Variants in OPCML observed in about 807,000 individuals in gnomAD.
The protein encoded by OPCML is opioid-binding protein/cell adhesion molecule.
OPCML carries 13 observed loss-of-function variants against 37.8 expected under a neutral mutation model. The observed-to-expected ratio is 0.34, with a 90% CI of 0.22 to 0.55. The LOEUF is 0.55. OPCML is among the 20% of genes least tolerant of loss of function. The pLI, the probability that OPCML is intolerant of heterozygous loss-of-function variation, is 0.91. For synonymous variants in OPCML, 176 were observed against 168.8 expected (o/e 1.04, Z -0.33); for missense variants, 341 against 435.6 (o/e 0.78, Z 1.93).
intron 3 of OPCML, among the ~76,000 whole-genome samples, chr11:132,554,483 C>G (rs2096389789): frequency 6.6e-6 from 1 of 152,206 alleles, no homozygotes; most frequent in Non-Finnish European, 1.5e-5. Flanking sequence ...TGCTGAGCAT[C>G]AGGGACACAC....
chr11:132,695,217 C>A (rs896683378), intron 2 of OPCML, among the ~76,000 whole-genome samples: 35 of 152,280 alleles, frequency 2.3e-4, no homozygotes, highest in African/African-American at 8.2e-4. Context: ...ATTGGAAGCA[C>A]GGCCCCTTAG....
chr11:132,650,681 C>T (rs993914987), intron 3 of OPCML, among the ~76,000 whole-genome samples: 10 of 152,154 alleles, frequency 6.6e-5, no homozygotes, highest in Non-Finnish European at 1.2e-4. Context: ...TTCTACTCTT[C>T]ACCCCATGTT....
At chr11:132,761,097 C>T (rs1385388851) in intron 2 of OPCML, among the ~76,000 whole-genome samples, 2 of 152,066 alleles carry the variant, frequency 1.3e-5, no homozygotes, top group East Asian at 3.9e-4. Context: ...GTTGAAAATT[C>T]TTTTCTTTAA....
chr11:132,791,770 T>G (rs1007232304), intron 2 of OPCML, among the ~76,000 whole-genome samples: 2 of 152,162 alleles, frequency 1.3e-5, no homozygotes, highest in African/African-American at 4.8e-5. Context: ...ATATCTCAAA[T>G]AAAGCTTGCC....
intron 1 of OPCML, among the ~76,000 whole-genome samples, chr11:133,263,867 C>A (rs1941567362): frequency 6.6e-6 from 1 of 152,182 alleles, no homozygotes; most frequent in Admixed American, 6.5e-5. Context: ...TTGCTACTTT[C>A]CAAGCTAAAC....
At chr11:133,155,140 G>A (rs1950039063) in intron 1 of OPCML, among the ~76,000 whole-genome samples, 1 of 152,122 alleles carries the variant, frequency 6.6e-6, no homozygotes, top group Admixed American at 6.5e-5. Flanking sequence ...ACTTGCTAGT[G>A]AAAACCAACA....
Position 133,181,927 on chromosome 11 carries a change from C to T in OPCML, c.62-238917G>A, listed in dbSNP as rs920660424. On this transcript the variant is annotated intron_variant, in intron 1 of 7. Transcript: ENST00000524381. Reference sequence around the variant, plus strand: ...AAGCCTCCTCCAACATCTGCCTGCACGGTGCAGCTTCTCTTCCAATCTGCC... The same window carrying T: ...AAGCCTCCTCCAACATCTGCCTGCATGGTGCAGCTTCTCTTCCAATCTGCC... Among the ~76,000 whole-genome samples, 14 of 152,298 alleles carry T rather than the reference C, an allele frequency of 9.2e-5. 1 individual carries two copies. The highest frequency in any genetic ancestry group is 7.8e-4 in the Admixed American group (12 of 15,302).
At chr11:133,502,932 T>C (rs554850854) in intron 1 of OPCML, among the ~76,000 whole-genome samples, 2 of 152,254 alleles carry the variant, frequency 1.3e-5, no homozygotes, top group South Asian at 2.1e-4. Context: ...GATACAGGGC[T>C]TTCAGTTTTA....
chr11:132,980,709 C>A (rs1946562410), intron 1 of OPCML, among the ~76,000 whole-genome samples: 1 of 152,154 alleles, frequency 6.6e-6, no homozygotes, highest in Non-Finnish European at 1.5e-5. Context: ...CTGCTCAGTT[C>A]ATAGACAAGA....
chr11:132,928,451 T>C (rs750901691), intron 2 of OPCML, among the ~76,000 whole-genome samples: 1 of 151,954 alleles, frequency 6.6e-6, no homozygotes, highest in South Asian at 2.1e-4. Flanking sequence ...ATATACTAAA[T>C]AGCAGAACAT....
At chr11:133,489,481 GC>G (rs952428446) in intron 1 of OPCML, among the ~76,000 whole-genome samples, 3 of 152,240 alleles carry the variant, frequency 2.0e-5, no homozygotes, top group Non-Finnish European at 2.9e-5. Context: ...TATTAAAAGT[GC>G]TGAACATCAC....
Position 132,596,352 on chromosome 11 carries a change from T to A in OPCML, c.379+60735A>T, listed in dbSNP as rs80012845. 2.2e-4 allele frequency among the ~76,000 whole-genome samples: 33 copies of A among 152,328 alleles called. 1 individual carries two copies. Among genetic ancestry groups the A allele is most frequent in the African/African-American group, 7.7e-4 (32 of 41,570 alleles). The stretch of plus-strand genomic sequence containing the variant: ...TTTATTTCTATGTGTCTCCCTCCTT[T>A]CTTCTTTTTCTTTTTTTTTAACAAA... On this transcript the variant is annotated intron_variant, in intron 3 of 7. Transcript: ENST00000524381.
chr11:133,256,831 A>G (rs1941326419), intron 1 of OPCML, among the ~76,000 whole-genome samples: 1 of 152,250 alleles, frequency 6.6e-6, no homozygotes, highest in Non-Finnish European at 1.5e-5. Flanking sequence ...TATTATTATC[A>G]TGCATTGCTT....
intron 1 of OPCML, among the ~76,000 whole-genome samples, chr11:133,440,190 T>C (rs1477033995): frequency 6.7e-6 from 1 of 149,990 alleles, no homozygotes; most frequent in Non-Finnish European, 1.5e-5. Flanking sequence ...AGGTCAGGAG[T>C]TTGAGACCAG....
intron 1 of OPCML, among the ~76,000 whole-genome samples, chr11:133,055,652 G>A (rs907064495): frequency 6.7e-6 from 1 of 150,150 alleles, no homozygotes; most frequent in Non-Finnish European, 1.5e-5. Flanking sequence ...CCATGAGGGA[G>A]CCGCCTCTAC....
intron 1 of OPCML, among the ~76,000 whole-genome samples, chr11:133,327,511 T>C (rs1205311295): frequency 6.6e-6 from 1 of 151,984 alleles, no homozygotes; most frequent in African/African-American, 2.4e-5. Flanking sequence ...TAGCATTGGA[T>C]TCTCTGAAAC....
At chr11:133,298,852 T>C (rs1248850413) in intron 1 of OPCML, 2 of 152,098 alleles carry the variant, frequency 1.3e-5, no homozygotes, top group African/African-American at 4.8e-5. Flanking sequence ...AAAGCGGCCA[T>C]AATAAATGTC....
At chr11:133,448,704 G>A (rs185362238) in intron 1 of OPCML, among the ~76,000 whole-genome samples, 8 of 152,244 alleles carry the variant, frequency 5.3e-5, no homozygotes, top group African/African-American at 1.7e-4. Flanking sequence ...GTGATCGCCC[G>A]CCTCAGCGTC....
intron 1 of OPCML, among the ~76,000 whole-genome samples, chr11:133,326,821 G>A (rs1300886191): frequency 6.9e-6 from 1 of 145,068 alleles, no homozygotes; most frequent in Admixed American, 6.8e-5. Context: ...ATTTGTGGGT[G>A]GGGGTTGTGG....
Sources: allele counts gnomAD v4.1 joint callset (sites outside exome capture counted in the v4.1 genomes callset), GRCh38; gene constraint gnomAD v4.1.1; transcripts MANE v1.5; gene names NCBI Gene and HGNC (gene_info 2026-07-23, HGNC 2026-07-21).